TINAG: variants seen among roughly 807,000 people sequenced by gnomAD.
TINAG encodes tubulointerstitial nephritis antigen.
A neutral mutation model predicts 72.7 loss-of-function variants in TINAG; 83 were observed. The ratio of observed to expected loss-of-function variants is 1.14; its 90% CI spans 0.96 to 1.37. TINAG has a LOEUF of 1.37. Among genes scored for constraint, TINAG ranks in the 40% most tolerant of loss-of-function variants. The probability of loss-of-function intolerance (pLI) is 0.00; values close to 1 mark genes in which losing one functional copy is unlikely to be tolerated. For missense variants in TINAG, 685 were observed against 576.6 expected (o/e 1.19, Z -1.93); for synonymous variants, 234 against 189.9 (o/e 1.23, Z -1.91).
In TINAG at chr6:54,349,744, T is replaced by C; in HGVS notation, c.928T>C (p.Phe310Leu). ...GGTATCCCACGCATGCTACCCACTT[T>C]TCAAAGACCAAAATGCTACCAACAA... is the stretch of plus-strand genomic sequence containing the variant. ...GLVSHACYPL[F>L]KDQNATNNGC... Residue 310 changes from phenylalanine (F) to leucine (L), a missense_variant, in exon 7 of 11, where the codon TTC (phenylalanine) becomes CTC (leucine). By Grantham distance (22) the Phe-to-Leu change is conservative (BLOSUM62 0). Coordinates refer to ENST00000259782, the MANE Select transcript of TINAG (RefSeq NM_014464.4). The C allele has an allele frequency of 6.2e-7, 1 of 1,600,038 alleles. No individual in the cohort carries two copies.
At chr6:54,359,212 G>C (rs774666027) in intron 9 of TINAG, among the ~76,000 whole-genome samples, 1 of 151,774 alleles carries the variant, frequency 6.6e-6, no homozygotes, top group Non-Finnish European at 1.5e-5. Context: ...TGTCTTAACA[G>C]TGTCACTGTA....
chr6:54,318,817 C>T (rs936017740), intron 1 of TINAG, among the ~76,000 whole-genome samples: 7 of 152,120 alleles, frequency 4.6e-5, no homozygotes, highest in African/African-American at 1.7e-4. Context: ...TGATGCTTTA[C>T]TGTGTCAACA....
intron 1 of TINAG, among the ~76,000 whole-genome samples, chr6:54,314,871 C>T (rs532853411): frequency 1.3e-5 from 2 of 152,068 alleles, no homozygotes; most frequent in Non-Finnish European, 2.9e-5. Flanking sequence ...ATTTATGTTC[C>T]AGGTATAGTT....
intron 10 of TINAG, among the ~76,000 whole-genome samples, chr6:54,383,941 T>C (rs989539476): frequency 6.6e-6 from 1 of 152,052 alleles, no homozygotes; most frequent in Non-Finnish European, 1.5e-5. Context: ...TAGCAAAAAC[T>C]TGGAACCAAC....
In TINAG at chr6:54,385,879, A is replaced by ATTTTTTT. The variant is rs557831982; in HGVS notation, c.1297-3893_1297-3887dup. ...AGAGTCAAGGAGAAAAAAAAACATG[A>ATTTTTTT]TTTTTTTTTTTTTTTTTTTTTTTTT... On this transcript the variant is annotated intron_variant, in intron 10 of 10. Transcript: ENST00000259782. 3.7e-4 allele frequency among the ~76,000 whole-genome samples: 30 copies of ATTTTTTT among 80,760 alleles called. 1 individual carries two copies. Among genetic ancestry groups the ATTTTTTT allele is most frequent in the African/African-American group, 1.4e-3 (26 of 18,386 alleles). The allele number at this position is 80,760 out of a possible 152,430, so 53.0% of individuals were successfully genotyped here.
At chr6:54,328,018 G>A (rs1354586927) in intron 4 of TINAG, among the ~76,000 whole-genome samples, 1 of 152,160 alleles carries the variant, frequency 6.6e-6, no homozygotes, top group Non-Finnish European at 1.5e-5. Flanking sequence ...GCACCTAGGG[G>A]AAGGGGCAGC....
chr6:54,344,597 A>C (rs1785076205), intron 5 of TINAG, among the ~76,000 whole-genome samples: 1 of 152,204 alleles, frequency 6.6e-6, no homozygotes, highest in Non-Finnish European at 1.5e-5. Flanking sequence ...AATTTTGCCT[A>C]AAATTTATAT....
intron 1 of TINAG, among the ~76,000 whole-genome samples, chr6:54,320,369 G>T (rs1274663995): frequency 6.6e-6 from 1 of 152,004 alleles, no homozygotes; most frequent in Non-Finnish European, 1.5e-5. Flanking sequence ...AACATAATAT[G>T]CAGTTTAAAG....
chr6:54,328,381 G>C (rs1008444519), intron 4 of TINAG, among the ~76,000 whole-genome samples: 4 of 152,112 alleles, frequency 2.6e-5, no homozygotes, highest in Non-Finnish European at 5.9e-5. Context: ...AGAGGGGCCT[G>C]ACTGGGTAGA....
At chr6:54,331,625 A>G (rs1784743956) in intron 4 of TINAG, among the ~76,000 whole-genome samples, 1 of 152,198 alleles carries the variant, frequency 6.6e-6, no homozygotes, top group Non-Finnish European at 1.5e-5. Flanking sequence ...CAGGCAAGAG[A>G]ACGAAATAAA....
At chr6:54,324,762 G>A in intron 3 of TINAG, among the ~76,000 whole-genome samples, 1 of 152,076 alleles carries the variant, frequency 6.6e-6, no homozygotes, top group East Asian at 1.9e-4. Context: ...CACACAAAAA[G>A]TTTCTCTTAG....
chr6:54,343,159 G>T, intron 4 of TINAG, 67 bp from the exon 5 acceptor site: 1 of 1,330,076 alleles, frequency 7.5e-7, no homozygotes, highest in Non-Finnish European at 9.9e-7. Flanking sequence ...TTATAAAAGG[G>T]CGTGACATTT....
At chr6:54,332,015 T>G (rs1784753662) in intron 4 of TINAG, among the ~76,000 whole-genome samples, 4 of 152,110 alleles carry the variant, frequency 2.6e-5, no homozygotes, top group Non-Finnish European at 5.9e-5. Flanking sequence ...ATAGGAAGAA[T>G]CAACATTGTG....
chr6:54,319,847 T>C (rs1482262967), intron 1 of TINAG, among the ~76,000 whole-genome samples: 1 of 152,166 alleles, frequency 6.6e-6, no homozygotes, highest in African/African-American at 2.4e-5. Context: ...ATGTTAATTT[T>C]GAATTTGAGC....
chr6:54,334,698 C>G (rs1171970514), intron 4 of TINAG, among the ~76,000 whole-genome samples: 1 of 152,074 alleles, frequency 6.6e-6, no homozygotes, highest in Admixed American at 6.6e-5. Context: ...AATTATTTCC[C>G]CTTAGTAGAG....
intron 9 of TINAG, among the ~76,000 whole-genome samples, 176 bp downstream of exon 9, chr6:54,354,812 C>A (rs1390154840): frequency 6.6e-6 from 1 of 151,840 alleles, no homozygotes; most frequent in Non-Finnish European, 1.5e-5. Context: ...AAAAGGCTAA[C>A]TCAGCATTCT....
At chr6:54,335,866 G>A (rs918650308) in intron 4 of TINAG, among the ~76,000 whole-genome samples, 11 of 152,216 alleles carry the variant, frequency 7.2e-5, no homozygotes, top group South Asian at 4.2e-4. Context: ...GCCAGGGTGG[G>A]CAGTAGCCAA....
At chr6:54,311,569 G>A (rs1233647905) in intron 1 of TINAG, among the ~76,000 whole-genome samples, 3 of 152,176 alleles carry the variant, frequency 2.0e-5, no homozygotes, top group African/African-American at 7.2e-5. Flanking sequence ...TATATAATCA[G>A]TAAAACGTGA....
At chr6:54,308,940 G>A (rs376442531) in intron 1 of TINAG, 35 bp downstream of exon 1, 18 of 1,496,838 alleles carry the variant, frequency 1.2e-5, no homozygotes, top group East Asian at 9.1e-5. Flanking sequence ...CATCATCCTC[G>A]TTCATAACAA....
Sources: allele counts gnomAD v4.1 joint callset (sites outside exome capture counted in the v4.1 genomes callset), GRCh38; gene constraint gnomAD v4.1.1; transcripts MANE v1.5; gene names NCBI Gene and HGNC (gene_info 2026-07-23, HGNC 2026-07-21).